ASPRV1: variants seen among roughly 807,000 people sequenced by gnomAD.
ASPRV1 encodes retroviral-like aspartic protease 1.
A neutral mutation model predicts 11.0 loss-of-function variants in ASPRV1; 7 were observed. That is an observed-to-expected ratio of 0.64 (90% CI 0.36 to 1.20). ASPRV1 has a LOEUF of 1.20. Ranked by LOEUF, ASPRV1 falls within the 50% of genes most tolerant of loss-of-function variation. The pLI, the probability that ASPRV1 is intolerant of heterozygous loss-of-function variation, is 0.02. For synonymous variants in ASPRV1, 136 were observed against 138.4 expected (o/e 0.98, Z 0.12); for missense variants, 299 against 320.0 (o/e 0.93, Z 0.50).
the ASPRV1 span, among the ~76,000 whole-genome samples, chr2:70,037,671 AT>A: frequency 6.6e-6 from 1 of 151,804 alleles, no homozygotes; most frequent in Non-Finnish European, 1.5e-5. Flanking sequence ...CTCTGTGTAC[AT>A]TAGAGATATG....
the ASPRV1 span, chr2:70,081,176 A>AT: frequency 6.6e-6 from 1 of 152,196 alleles, no homozygotes; most frequent in African/African-American, 2.4e-5. Context: ...ACTATCTACA[A>AT]TATGGGTAAG....
chr2:70,063,808 G>A, the ASPRV1 span: 1 of 152,108 alleles, frequency 6.6e-6, no homozygotes, highest in East Asian at 1.9e-4. Context: ...AACTAAAGAG[G>A]TAAGAATGCT....
chr2:70,083,895 CAG>C, the ASPRV1 span, among the ~76,000 whole-genome samples: 12 of 152,176 alleles, frequency 7.9e-5, no homozygotes, highest in African/African-American at 1.2e-4. Context: ...CAGAGCTAGA[CAG>C]GGGCAGAGCT....
the ASPRV1 span, among the ~76,000 whole-genome samples, chr2:70,012,559 G>A: frequency 1.3e-5 from 2 of 152,076 alleles, no homozygotes; most frequent in East Asian, 1.9e-4. Context: ...GTGCCTTCTA[G>A]AGCCTTAAGT....
chr2:69,974,790 T>C, the ASPRV1 span, among the ~76,000 whole-genome samples: 1 of 152,192 alleles, frequency 6.6e-6, no homozygotes, highest in Non-Finnish European at 1.5e-5. Flanking sequence ...GATTTTGGAA[T>C]TGTTTAGAGC....
chr2:70,008,235 A>G, the ASPRV1 span, among the ~76,000 whole-genome samples: 146 of 152,220 alleles, frequency 9.6e-4, 1 homozygote, highest in Middle Eastern at 6.8e-3. Context: ...ATTTCTTATT[A>G]ATTTTTTTAA....
chr2:70,011,553 T>A, the ASPRV1 span: 1 of 152,454 alleles, frequency 6.6e-6, no homozygotes, highest in East Asian at 1.9e-4. Context: ...GCTTAAGCAT[T>A]TGAGCAGATG....
the ASPRV1 span, among the ~76,000 whole-genome samples, chr2:69,986,002 T>G: frequency 6.6e-6 from 1 of 152,140 alleles, no homozygotes; most frequent in Admixed American, 6.5e-5. Flanking sequence ...AAACGCAGAC[T>G]ATGTGGCAAG....
Position 69,961,538 on chromosome 2 carries a change from G to A in ASPRV1, c.-102C>T. The A allele has an allele frequency of 6.2e-7, 1 of 1,614,128 alleles. No homozygotes were observed. On this transcript the variant is annotated 5_prime_UTR_variant, in exon 1 of 1. Coordinates refer to ENST00000320256, the MANE Select transcript of ASPRV1 (RefSeq NM_152792.4). ...ACGCTGGAAAACGGGGCCTCTCGAAGCAGAGTGGGGATGACTTGCCCGGCC... is the reference window on the plus strand; with the variant it reads ...ACGCTGGAAAACGGGGCCTCTCGAAACAGAGTGGGGATGACTTGCCCGGCC...
chr2:69,958,725 CAG>C (rs1274893754), downstream of ASPRV1, among the ~76,000 whole-genome samples: 4 of 152,178 alleles, frequency 2.6e-5, no homozygotes, highest in Admixed American at 6.5e-5. Context: ...CGTTAGGCCA[CAG>C]AGAGTGGGGC....
the ASPRV1 span, among the ~76,000 whole-genome samples, chr2:69,996,114 T>C: frequency 2.7e-5 from 4 of 149,400 alleles, no homozygotes; most frequent in African/African-American, 9.9e-5. Flanking sequence ...GGTGTCGAGG[T>C]TCACCCCTGT....
At chr2:69,965,675 C>A (rs1678316326), upstream of ASPRV1, among the ~76,000 whole-genome samples, 1 of 152,142 alleles carries the variant, frequency 6.6e-6, no homozygotes, top group South Asian at 2.1e-4. Context: ...GTTTCCTTAT[C>A]CCCAAACCTA....
chr2:70,072,510 G>A, the ASPRV1 span, among the ~76,000 whole-genome samples: 1 of 150,390 alleles, frequency 6.6e-6, no homozygotes. Flanking sequence ...ATCACTTGAG[G>A]TCAGGAGTTT....
At chr2:70,003,292 A>C in the ASPRV1 span, 1 of 152,288 alleles carries the variant, frequency 6.6e-6, no homozygotes, top group African/African-American at 2.4e-5. Flanking sequence ...GGTACTTCAC[A>C]GCTCTGTGCC....
chr2:70,055,164 G>A, the ASPRV1 span, among the ~76,000 whole-genome samples: 14 of 152,188 alleles, frequency 9.2e-5, no homozygotes, highest in East Asian at 1.4e-3. Flanking sequence ...TTAGCCAGGC[G>A]TGGTGGCGCA....
the ASPRV1 span, among the ~76,000 whole-genome samples, chr2:70,069,640 C>T: frequency 6.6e-6 from 1 of 152,154 alleles, no homozygotes; most frequent in South Asian, 2.1e-4. Flanking sequence ...TGAATTTTAT[C>T]TCTTCTTCCT....
In ASPRV1 at chr2:69,960,881, C is replaced by T. The variant is rs750697488; in HGVS notation, c.556G>A (p.Ala186Thr). The stretch of plus-strand genomic sequence containing the variant: ...CTCGCATTGGCCACTAGGAACTGTG[C>T]CTTCAGCTTCAGCTTGCCTAGGGAC... ...AVSLGKLKLKAQFLVANASAE... is the reference protein window; with the variant it reads ...AVSLGKLKLKTQFLVANASAE... Residue 186 changes from alanine (A) to threonine (T), a missense_variant, in exon 1 of 1, where the codon GCA becomes ACA. Physicochemically the swap from Ala to Thr is moderately conservative, Grantham distance 58. Transcript: ENST00000320256. 3.1e-6 allele frequency: 5 copies of T among 1,614,118 alleles called. No homozygotes were observed. The highest frequency in any genetic ancestry group is 1.7e-5 in the Admixed American group (1 of 60,016).
chr2:70,011,352 G>A, the ASPRV1 span, among the ~76,000 whole-genome samples: 1 of 152,192 alleles, frequency 6.6e-6, no homozygotes, highest in South Asian at 2.1e-4. Context: ...ACAGGGGGCA[G>A]GGGGCCAGGG....
At chr2:69,938,486 T>C in the ASPRV1 span, 1 of 566,552 alleles carries the variant, frequency 1.8e-6, no homozygotes, top group African/African-American at 1.9e-5. Flanking sequence ...TTTCTCGCCA[T>C]AAAAATTTGT....
Sources: allele counts gnomAD v4.1 joint callset (sites outside exome capture counted in the v4.1 genomes callset), GRCh38; gene constraint gnomAD v4.1.1; transcripts MANE v1.5; gene names NCBI Gene and HGNC (gene_info 2026-07-23, HGNC 2026-07-21).